STAG2: variants seen among roughly 807,000 people sequenced by gnomAD.
STAG2 encodes cohesin subunit SA-2.
A neutral mutation model predicts 108.1 loss-of-function variants in STAG2; 14 were observed. That is an observed-to-expected ratio of 0.13 (90% CI 0.09 to 0.20). The LOEUF is 0.20. Ranked by LOEUF, STAG2 falls within the 10% of genes least tolerant of loss-of-function variation. STAG2 has a pLI of 1.00. For missense variants in STAG2, 440 were observed against 940.9 expected, an observed-to-expected ratio of 0.47 and a Z score of 6.96; for synonymous variants, 307 against 302.7, an observed-to-expected ratio of 1.01 and a Z score of -0.15.
intron 1 of STAG2, among the ~76,000 whole-genome samples, chrX:123,983,983 T>C (rs1195404742): frequency 1.1e-5 from 1 of 93,483 alleles, no homozygotes. Flanking sequence ...TCTTTTTTTT[T>C]TTTTTTTTTT....
intron 30 of STAG2, among the ~76,000 whole-genome samples, chrX:124,089,230 G>A (rs1004890213): frequency 3.6e-5 from 4 of 111,696 alleles, no homozygotes; most frequent in Admixed American, 1.9e-4. Flanking sequence ...ATCTTCTAAT[G>A]AAATAGTTTT....
At chrX:124,005,557 A>G (rs2056247749) in intron 1 of STAG2, among the ~76,000 whole-genome samples, 1 of 112,159 alleles carries the variant, frequency 8.9e-6, no homozygotes, top group South Asian at 3.7e-4. Context: ...ATAAATGGAA[A>G]TCATACTGTA....
intron 1 of STAG2, among the ~76,000 whole-genome samples, chrX:124,002,687 C>T (rs1028439868): frequency 4.5e-5 from 5 of 110,771 alleles, no homozygotes; most frequent in Admixed American, 1.9e-4. Context: ...TGCAATGGCG[C>T]GATCTTGGCT....
chrX:123,991,540 A>G (rs1277783048), intron 1 of STAG2, among the ~76,000 whole-genome samples: 1 of 110,066 alleles, frequency 9.1e-6, no homozygotes, highest in Non-Finnish European at 1.9e-5. Context: ...TTTAGTATAG[A>G]TGGTGTTTCA....
chrX:124,047,989 G>T (rs984250313), intron 9 of STAG2, among the ~76,000 whole-genome samples: 1 of 112,190 alleles, frequency 8.9e-6, no homozygotes, highest in Non-Finnish European at 1.9e-5. Flanking sequence ...AGCCTTATGC[G>T]AAATAACAGT....
intron 13 of STAG2, among the ~76,000 whole-genome samples, chrX:124,054,430 T>A (rs1045963672): frequency 8.9e-6 from 1 of 112,091 alleles, no homozygotes; most frequent in Non-Finnish European, 1.9e-5. Context: ...TCTTGAGCAG[T>A]CTGTTAACTG....
At chrX:124,011,924 G>A (rs926908829) in intron 1 of STAG2, among the ~76,000 whole-genome samples, 2 of 111,717 alleles carry the variant, frequency 1.8e-5, no homozygotes, top group African/African-American at 3.3e-5. Flanking sequence ...AAATTTCCAC[G>A]AGTTTTTGAG....
chrX:123,963,959 A>G (rs1412719631), intron 1 of STAG2, among the ~76,000 whole-genome samples: 3 of 111,683 alleles, frequency 2.7e-5, no homozygotes. Context: ...TTTTGAAGAT[A>G]ATAATGAGAG....
At chrX:124,048,839 G>C (rs2057953510) in intron 9 of STAG2, among the ~76,000 whole-genome samples, 166 bp from the exon 10 acceptor site, 1 of 111,407 alleles carries the variant, frequency 9.0e-6, no homozygotes, top group Admixed American at 9.6e-5. Flanking sequence ...TTATCTACCT[G>C]GTAATATAAC....
At chrX:124,083,636 C>G in intron 29 of STAG2, 87 bp downstream of exon 29, 1 of 790,692 alleles carries the variant, frequency 1.3e-6, no homozygotes, top group Non-Finnish European at 1.7e-6. Context: ...CCTTTCTACT[C>G]ACACAGAATT....
chrX:123,998,628 ATCT>A (rs755997804), intron 1 of STAG2, among the ~76,000 whole-genome samples: 8,352 of 107,689 alleles, frequency 0.078, 353 homozygotes, highest in Middle Eastern at 0.18. Flanking sequence ...CTATCTATCT[ATCT>A]ATCTAACTAA....
At chrX:124,052,300 C>T (rs987598173) in intron 13 of STAG2, among the ~76,000 whole-genome samples, 31 of 111,888 alleles carry the variant, frequency 2.8e-4, no homozygotes, top group African/African-American at 9.8e-4. Context: ...TCACTTTATT[C>T]TGGAGCTCTG....
At position 124,057,633 on chromosome X, in the gene STAG2, C is replaced by A. The variant is rs187964677; in HGVS notation, c.1305-233C>A. Among the ~76,000 whole-genome samples, 988 of 111,663 alleles carry A rather than the reference C, an allele frequency of 8.8e-3. 7 individuals carry two copies. The highest frequency in any genetic ancestry group is 0.011 in the Non-Finnish European group (604 of 53,112). ...AAAACAAATAGTTTATAACTCAGTA[C>A]AATTAACTTGAGAAATTAGTTTAAA... On this transcript the variant is annotated intron_variant, in intron 14 of 34. Transcript: ENST00000371145.
At chrX:124,044,781 A>G (rs1265876939) in intron 7 of STAG2, among the ~76,000 whole-genome samples, 1 of 112,354 alleles carries the variant, frequency 8.9e-6, no homozygotes, top group Non-Finnish European at 1.9e-5. Flanking sequence ...ATTTGAGAGT[A>G]TAATTTCCAT....
Position 124,102,319 on chromosome X carries a change from T to C in STAG2, c.*1722T>C, listed in dbSNP as rs2059518620. ...CCTAAGTTGATTTTTTTTCTCACTCTTGAAAGGAGTACTTCTTTGTGAAAG... is the reference window on the plus strand; with the variant it reads ...CCTAAGTTGATTTTTTTTCTCACTCCTGAAAGGAGTACTTCTTTGTGAAAG... On this transcript the variant is annotated 3_prime_UTR_variant, in exon 35 of 35. Coordinates refer to ENST00000371145, the MANE Select transcript of STAG2 (RefSeq NM_001042750.2). The C allele has an allele frequency of 6.3e-6, 1 of 157,486 alleles. No homozygotes were observed. Among genetic ancestry groups the C allele is most frequent in the Admixed American group, 8.3e-5 (1 of 12,011 alleles). The allele number at this position is 157,486 out of a possible 1,213,427, so 13.0% of individuals were successfully genotyped here. A position where few individuals can be genotyped will look rare whatever the true frequency, so the allele number is the denominator to read the frequency against.
chrX:124,025,119 T>C (rs929260787), intron 3 of STAG2, among the ~76,000 whole-genome samples: 6 of 111,269 alleles, frequency 5.4e-5, no homozygotes, highest in Admixed American at 1.9e-4. Context: ...TGTTGGAGAT[T>C]GTAGAGACTT....
At chrX:124,032,929 G>A (rs2057392316) in intron 5 of STAG2, among the ~76,000 whole-genome samples, 1 of 112,408 alleles carries the variant, frequency 8.9e-6, no homozygotes, top group African/African-American at 3.2e-5. Flanking sequence ...AGCTTAATAT[G>A]TGTGGTTTTA....
intron 1 of STAG2, among the ~76,000 whole-genome samples, chrX:124,008,745 A>G (rs1389118455): frequency 8.9e-6 from 1 of 111,804 alleles, no homozygotes; most frequent in Admixed American, 9.5e-5. Context: ...TGATGAAAAG[A>G]TCATTTTGAG....
chrX:124,070,961 C>T (rs759172597), intron 24 of STAG2, among the ~76,000 whole-genome samples, 188 bp from the exon 25 acceptor site: 1 of 111,519 alleles, frequency 9.0e-6, no homozygotes, highest in African/African-American at 3.3e-5. Context: ...TATAAGCATT[C>T]GTTGTTACAT....
Sources: allele counts gnomAD v4.1 joint callset (sites outside exome capture counted in the v4.1 genomes callset), GRCh38; gene constraint gnomAD v4.1.1; transcripts MANE v1.5; gene names NCBI Gene and HGNC (gene_info 2026-07-23, HGNC 2026-07-21).